Variants in STAC observed in about 807,000 individuals in gnomAD.
The protein encoded by STAC is SH3 and cysteine rich domain, also known as SH3 and cysteine-rich domain-containing protein.
Under a neutral mutation model 48.8 loss-of-function variants are expected in STAC, and 43 were observed. The ratio of observed to expected loss-of-function variants is 0.88; its 90% CI spans 0.69 to 1.14. The LOEUF (loss-of-function observed/expected upper bound fraction) is 1.14, where lower values mean the gene tolerates loss of function less well. Among genes scored for constraint, STAC ranks in the 50% most tolerant of loss-of-function variants. STAC has a pLI of 0.00. For missense variants in STAC, 497 were observed against 504.0 expected, an observed-to-expected ratio of 0.99 and a Z score of 0.13; for synonymous variants, 193 against 179.5, an observed-to-expected ratio of 1.07 and a Z score of -0.60.
At chr3:36,531,136 C>T (rs1699056345) in intron 10 of STAC, among the ~76,000 whole-genome samples, 1 of 152,084 alleles carries the variant, frequency 6.6e-6, no homozygotes, top group Admixed American at 6.5e-5. Context: ...TGCTGGGAGA[C>T]ATTAGTCCAC....
At chr3:36,386,619 C>T (rs1699622234) in intron 1 of STAC, among the ~76,000 whole-genome samples, 1 of 151,810 alleles carries the variant, frequency 6.6e-6, no homozygotes, top group Non-Finnish European at 1.5e-5. Flanking sequence ...TTTGGAATTG[C>T]TTTTTTGGTA....
At position 36,412,487 on chromosome 3, in the gene STAC, A is replaced by T. The variant is rs149992781; in HGVS notation, c.112-30877A>T. Among the ~76,000 whole-genome samples the T allele has an allele frequency of 1.7e-3, 263 of 152,268 alleles. 1 individual carries two copies. The highest frequency in any genetic ancestry group is 5.6e-3 in the African/African-American group (234 of 41,518). On this transcript the variant is annotated intron_variant, in intron 1 of 10. Transcript: ENST00000273183. The stretch of plus-strand genomic sequence containing the variant: ...GAATTGGAAATTGGGTATACAACTA[A>T]AAGAGTCTGCAGTGGGAGGAAAGAA...
chr3:36,529,076 G>A (rs1028357923), intron 10 of STAC, 91 bp downstream of exon 10: 1 of 1,248,190 alleles, frequency 8.0e-7, no homozygotes, highest in Non-Finnish European at 1.1e-6. Context: ...TGAATGAGTG[G>A]GGTCACATTC....
At chr3:36,489,973 C>G (rs894771014) in intron 5 of STAC, among the ~76,000 whole-genome samples, 2 of 152,314 alleles carry the variant, frequency 1.3e-5, no homozygotes. Flanking sequence ...ACTGCAAAAT[C>G]TGAAAATCTG....
At chr3:36,405,294 A>C (rs751817816) in intron 1 of STAC, among the ~76,000 whole-genome samples, 1 of 152,156 alleles carries the variant, frequency 6.6e-6, no homozygotes, top group African/African-American at 2.4e-5. Flanking sequence ...ACACTCCCCA[A>C]GTGTTCCAAC....
intron 1 of STAC, among the ~76,000 whole-genome samples, chr3:36,398,327 GA>G (rs1349610077): frequency 1.1e-4 from 13 of 115,184 alleles, no homozygotes; most frequent in Non-Finnish European, 2.1e-4. Context: ...AAGCAAGAAA[GA>G]AAGAAAGAAA....
At position 36,387,036 on chromosome 3, in the gene STAC, AC is replaced by A. The variant is rs1341398225; in HGVS notation, c.111+6284del. ...GTCCCCTAAGACATCATTGAGAGGA[AC>A]CAAATTTTGTTACTTTTTCAGTTTG... is the stretch of plus-strand genomic sequence containing the variant. On this transcript the variant is annotated intron_variant, in intron 1 of 10. Transcript: ENST00000273183. Among the ~76,000 whole-genome samples, 3 of 152,200 alleles carry A rather than the reference AC, an allele frequency of 2.0e-5. No homozygotes were observed. The East Asian group carries it at 5.8e-4, about 29-fold the overall frequency.
At chr3:36,461,461 T>C (rs1697014841) in intron 2 of STAC, among the ~76,000 whole-genome samples, 1 of 152,066 alleles carries the variant, frequency 6.6e-6, no homozygotes, top group South Asian at 2.1e-4. Flanking sequence ...GAGTTGACAT[T>C]TTAACTGGGG....
At chr3:36,489,052 TACAA>T (rs901527834) in intron 5 of STAC, among the ~76,000 whole-genome samples, 7 of 152,166 alleles carry the variant, frequency 4.6e-5, no homozygotes, top group Admixed American at 3.3e-4. Flanking sequence ...TCTATTTTTA[TACAA>T]ACAATGAAGA....
At chr3:36,428,465 T>C (rs1474332125) in intron 1 of STAC, among the ~76,000 whole-genome samples, 4 of 152,182 alleles carry the variant, frequency 2.6e-5, no homozygotes, top group Non-Finnish European at 5.9e-5. Context: ...ATACCAGCAT[T>C]CATGGAACTA....
At chr3:36,512,801 C>T (rs1246278811) in intron 8 of STAC, among the ~76,000 whole-genome samples, 1 of 151,296 alleles carries the variant, frequency 6.6e-6, no homozygotes, top group Non-Finnish European at 1.5e-5. Flanking sequence ...TATTTTTTTG[C>T]CAAGAGTTTG....
At chr3:36,507,297 G>A (rs943733290) in intron 8 of STAC, among the ~76,000 whole-genome samples, 3 of 152,134 alleles carry the variant, frequency 2.0e-5, no homozygotes, top group African/African-American at 7.2e-5. Context: ...TAAGCTTTTT[G>A]TCGTGCTGCT....
intron 8 of STAC, among the ~76,000 whole-genome samples, chr3:36,525,069 T>G (rs187890955): frequency 6.6e-6 from 1 of 152,126 alleles, no homozygotes; most frequent in Non-Finnish European, 1.5e-5. Flanking sequence ...ATTTATTAAG[T>G]TTTTTTATCT....
At chr3:36,439,789 CCCTTCTCA>C (rs1286900123) in intron 1 of STAC, among the ~76,000 whole-genome samples, 3 of 152,094 alleles carry the variant, frequency 2.0e-5, no homozygotes, top group Non-Finnish European at 2.9e-5. Flanking sequence ...GTCTCATAGC[CCCTTCTCA>C]CTTAGCTTTT....
chr3:36,398,393 AGAGGT>A (rs1368789097), intron 1 of STAC, among the ~76,000 whole-genome samples: 3 of 148,162 alleles, frequency 2.0e-5, no homozygotes, highest in Non-Finnish European at 4.5e-5. Context: ...AGAAAGAAAG[AGAGGT>A]AAAGAGAAAG....
chr3:36,388,067 T>C (rs1304383287), intron 1 of STAC, among the ~76,000 whole-genome samples: 2 of 152,086 alleles, frequency 1.3e-5, no homozygotes. Flanking sequence ...GTAGATCATG[T>C]TTTTATGTGC....
chr3:36,467,237 C>G (rs1161940256), intron 2 of STAC, among the ~76,000 whole-genome samples: 1 of 151,938 alleles, frequency 6.6e-6, no homozygotes, highest in East Asian at 1.9e-4. Flanking sequence ...ACTGTTGGAT[C>G]TGGTTCACTA....
rs3061960 is a variant in STAC at position 36,447,649 on chromosome 3, CCACACACACACA to C, written c.388+4034_388+4045del. On this transcript the variant is annotated intron_variant, in intron 2 of 10. Transcript: ENST00000273183. ...GAAAAACTATATATATGTATACACA[CCACACACACACA>C]CACACACACACACACACACACACAA... Among the ~76,000 whole-genome samples the C allele has an allele frequency of 1.2e-4, 18 of 146,414 alleles. No homozygotes were observed. The South Asian group carries it at 3.1e-3, about 25-fold the overall frequency.
At chr3:36,428,522 T>C (rs1700618942) in intron 1 of STAC, among the ~76,000 whole-genome samples, 1 of 152,184 alleles carries the variant, frequency 6.6e-6, no homozygotes, top group Non-Finnish European at 1.5e-5. Flanking sequence ...AATAAAAAGT[T>C]AAGAAACAAA....
Sources: gnomAD v4.1 joint callset for allele counts (sites outside exome capture counted in the v4.1 genomes callset) on GRCh38, gnomAD v4.1.1 for gene constraint, MANE v1.5 for transcripts, NCBI Gene and HGNC (gene_info 2026-07-23, HGNC 2026-07-21) for gene names.